Variants in AGAP1 observed in about 807,000 individuals in gnomAD.
AGAP1 encodes the protein arf-GAP with GTPase, ANK repeat and PH domain-containing protein 1.
A neutral mutation model predicts 105.3 loss-of-function variants in AGAP1; 29 were observed. The observed-to-expected ratio is 0.28, with a 90% CI of 0.21 to 0.38. The LOEUF is 0.38. Among genes scored for constraint, AGAP1 ranks in the 10% least tolerant of loss-of-function variants. AGAP1 has a pLI of 1.00. For synonymous variants in AGAP1, 509 were observed against 485.9 expected (o/e 1.05, Z -0.63); for missense variants, 998 against 1,165.1 (o/e 0.86, Z 2.09).
In AGAP1 at chr2:235,889,053, G is replaced by C. The variant is rs2050400758; in HGVS notation, c.1155+5604G>C. Among the ~76,000 whole-genome samples the C allele has an allele frequency of 6.6e-6, 1 of 152,218 alleles. No homozygotes were observed. The highest frequency in any genetic ancestry group is 6.5e-5 in the Admixed American group (1 of 15,280). ...TGAACACAGTTTGCTTATTGCACAA[G>C]TGTCCACGGAAGTGTTTGTGTGAAA... On this transcript the variant is annotated intron_variant, in intron 10 of 17. Coordinates refer to ENST00000304032, the MANE Select transcript of AGAP1 (RefSeq NM_001037131.3). This position sits in a 1 kb window ranked among gnomAD's most constrained non-coding sequence, Gnocchi z 4.6.
intron 1 of AGAP1, among the ~76,000 whole-genome samples, chr2:235,595,166 T>G (rs1301652830): frequency 2.0e-5 from 3 of 151,674 alleles, no homozygotes; most frequent in Admixed American, 1.3e-4. Context: ...GGGAGAGGAG[T>G]AAGTGCAGCC....
At chr2:236,060,803 C>G (rs999061618) in intron 16 of AGAP1, among the ~76,000 whole-genome samples, 5 of 151,920 alleles carry the variant, frequency 3.3e-5, no homozygotes, top group African/African-American at 1.2e-4. Context: ...GGCTCATGCC[C>G]GTAATCCCAG....
At chr2:235,997,587 G>T (rs537590677) in intron 13 of AGAP1, among the ~76,000 whole-genome samples, 13 of 152,292 alleles carry the variant, frequency 8.5e-5, no homozygotes, top group East Asian at 3.9e-4. Flanking sequence ...TGTGGTAACT[G>T]CCCACTGTAT....
Position 236,046,858 on chromosome 2 carries a change from C to T in AGAP1, c.1892-2201C>T, listed in dbSNP as rs1349147129. Among the ~76,000 whole-genome samples, 1 of 152,160 alleles carries T rather than the reference C, an allele frequency of 6.6e-6. No individual in the cohort carries two copies. The highest frequency in any genetic ancestry group is 2.1e-4 in the South Asian group (1 of 4,828). On this transcript the variant is annotated intron_variant, in intron 15 of 17. Coordinates refer to ENST00000304032, the MANE Select transcript of AGAP1 (RefSeq NM_001037131.3). The surrounding 1 kb of genome is among the most constrained non-coding windows in gnomAD (Gnocchi z 5.2). ...GTATCAGAAGTTAGCACTGGCCCAGCACAGTGGCTCATGCCTGTAATCCCA... is the reference window on the plus strand; with the variant it reads ...GTATCAGAAGTTAGCACTGGCCCAGTACAGTGGCTCATGCCTGTAATCCCA...
chr2:235,779,106 C>T (rs1956096914), intron 6 of AGAP1, among the ~76,000 whole-genome samples: 1 of 152,240 alleles, frequency 6.6e-6, no homozygotes, highest in Non-Finnish European at 1.5e-5. Flanking sequence ...TCGGCGCTCC[C>T]CACCCCTGTT....
rs969080658 is a variant in AGAP1, at chr2:236,003,313, A to G, written c.1646-33248A>G. ...GCCTGCCTCAGCCTCCCAGAGTGCCAGGATTACAAGAGTGAGCCACCACGC... is the reference window on the plus strand; with the variant it reads ...GCCTGCCTCAGCCTCCCAGAGTGCCGGGATTACAAGAGTGAGCCACCACGC... On this transcript the variant is annotated intron_variant, in intron 13 of 17. Coordinates refer to ENST00000304032, the MANE Select transcript of AGAP1 (RefSeq NM_001037131.3). This position sits in a 1 kb window ranked among gnomAD's most constrained non-coding sequence, Gnocchi z 4.2. Among the ~76,000 whole-genome samples, 4 of 152,106 alleles carry G rather than the reference A, an allele frequency of 2.6e-5. No homozygotes were observed. The highest frequency in any genetic ancestry group is 5.9e-5 in the Non-Finnish European group (4 of 68,014).
intron 6 of AGAP1, among the ~76,000 whole-genome samples, chr2:235,782,148 A>G (rs1956301557): frequency 1.3e-5 from 2 of 152,202 alleles, no homozygotes; most frequent in African/African-American, 4.8e-5. Context: ...TACAGGCCAG[A>G]CGCAGGGCAC....
intron 1 of AGAP1, among the ~76,000 whole-genome samples, chr2:235,693,515 G>A (rs569814565): frequency 2.6e-5 from 4 of 152,310 alleles, no homozygotes; most frequent in African/African-American, 9.6e-5. Context: ...CAGAGGGACA[G>A]GCTGGTGCCC....
In AGAP1 at chr2:235,927,249, G is replaced by A. The variant is rs1014405912; in HGVS notation, c.1325-3516G>A. ...TAGCTGGTCTGGTGTCTTCCATCTGGACACCAGGAGCATGTGGTCTTGCCA... is the reference window on the plus strand; with the variant it reads ...TAGCTGGTCTGGTGTCTTCCATCTGAACACCAGGAGCATGTGGTCTTGCCA... On this transcript the variant is annotated intron_variant, in intron 11 of 17. Transcript: ENST00000304032. This position sits in a 1 kb window ranked among gnomAD's most constrained non-coding sequence, Gnocchi z 4.4. Among the ~76,000 whole-genome samples, 1 of 152,114 alleles carries A rather than the reference G, an allele frequency of 6.6e-6. No homozygotes were observed. The highest frequency in any genetic ancestry group is 1.5e-5 in the Non-Finnish European group (1 of 68,042).
chr2:235,603,327 A>G (rs1483654834), intron 1 of AGAP1, among the ~76,000 whole-genome samples: 3 of 152,186 alleles, frequency 2.0e-5, no homozygotes, highest in Non-Finnish European at 4.4e-5. Context: ...CTTTTTGTTT[A>G]TAAATTACCC....
chr2:235,745,423 G>A (rs1952851315), intron 5 of AGAP1, among the ~76,000 whole-genome samples: 1 of 152,250 alleles, frequency 6.6e-6, no homozygotes, highest in East Asian at 1.9e-4. Flanking sequence ...TAGTGGAGTG[G>A]CCGTCACATG....
At chr2:235,704,371 G>A (rs968027438) in intron 1 of AGAP1, among the ~76,000 whole-genome samples, 12 of 151,992 alleles carry the variant, frequency 7.9e-5, no homozygotes, top group African/African-American at 2.4e-4. Flanking sequence ...ATTTGAGGCC[G>A]GGCGTGGTGG....
In AGAP1 at chr2:235,864,604, C is replaced by T. The variant is rs1339959917; in HGVS notation, c.1051-18741C>T. On this transcript the variant is annotated intron_variant, in intron 9 of 17. Transcript: ENST00000304032. This position sits in a 1 kb window ranked among gnomAD's most constrained non-coding sequence, Gnocchi z 5.0. ...AGCAGCCATTAAGTGCAGATACTGT[C>T]GTCCCTGGTGTCGTCCCTGAAAATC... 6.6e-6 allele frequency among the ~76,000 whole-genome samples: 1 copy of T among 151,948 alleles called. No individual in the cohort carries two copies. The highest frequency in any genetic ancestry group is 1.5e-5 in the Non-Finnish European group (1 of 68,012).
At chr2:235,548,774 G>A (rs926012273) in intron 1 of AGAP1, among the ~76,000 whole-genome samples, 2 of 152,106 alleles carry the variant, frequency 1.3e-5, no homozygotes, top group African/African-American at 4.8e-5. Flanking sequence ...TGAGTTATCT[G>A]CTCATGTGAG....
At chr2:236,037,854 T>G (rs1296684580) in intron 14 of AGAP1, among the ~76,000 whole-genome samples, 1 of 152,204 alleles carries the variant, frequency 6.6e-6, no homozygotes, top group African/African-American at 2.4e-5. Flanking sequence ...GGAGAGCATT[T>G]TGATATTTCA....
rs182619397 is a variant in AGAP1, at chr2:236,092,583, G to A, written c.2115-27609G>A. On this transcript the variant is annotated intron_variant, in intron 16 of 17. Coordinates refer to ENST00000304032, the MANE Select transcript of AGAP1 (RefSeq NM_001037131.3). The surrounding 1 kb of genome is among the most constrained non-coding windows in gnomAD (Gnocchi z 4.7). ...TAATTTTTGTATTTTTATTAGAGAC[G>A]GGGTTTCACCGTGTTAGCCAGGATG... is the stretch of plus-strand genomic sequence containing the variant. 6.1e-3 allele frequency among the ~76,000 whole-genome samples: 930 copies of A among 152,124 alleles called. 10 individuals carry two copies. Among genetic ancestry groups the A allele is most frequent in the African/African-American group, 0.021 (880 of 41,504 alleles).
chr2:235,592,904 G>C (rs1945399254), intron 1 of AGAP1, among the ~76,000 whole-genome samples: 1 of 152,118 alleles, frequency 6.6e-6, no homozygotes, highest in Non-Finnish European at 1.5e-5. Context: ...TGGTGTCTCA[G>C]GGAGACACCT....
intron 4 of AGAP1, among the ~76,000 whole-genome samples, chr2:235,743,852 A>G (rs988659587): frequency 2.0e-5 from 3 of 152,184 alleles, no homozygotes; most frequent in African/African-American, 7.2e-5. Flanking sequence ...CTGATGTCAG[A>G]TGTGCTGCGC....
At chr2:235,764,058 G>T (rs1954704907) in intron 6 of AGAP1, among the ~76,000 whole-genome samples, 1 of 150,970 alleles carries the variant, frequency 6.6e-6, no homozygotes, top group Non-Finnish European at 1.5e-5. Flanking sequence ...CGGCCCGTGT[G>T]TGGCGGTTGC....
Sources: gnomAD v4.1 joint callset for allele counts (sites outside exome capture counted in the v4.1 genomes callset) on GRCh38, gnomAD v4.1.1 for gene constraint, Gnocchi (gnomAD v3.1) non-coding constraint, MANE v1.5 for transcripts, NCBI Gene and HGNC (gene_info 2026-07-23, HGNC 2026-07-21) for gene names.